The following PCDH15 variants were observed in gnomAD, a reference collection of about 807,000 sequenced individuals.
PCDH15 encodes the protein protocadherin related 15.
PCDH15 carries 129 observed loss-of-function variants against 178.5 expected under a neutral mutation model. That is an observed-to-expected ratio of 0.72 (90% CI 0.63 to 0.84). The LOEUF (loss-of-function observed/expected upper bound fraction) is 0.84, where lower values mean the gene tolerates loss of function less well. Ranked by LOEUF, PCDH15 falls within the 40% of genes least tolerant of loss-of-function variation. PCDH15 has a pLI of 0.00. For missense variants in PCDH15, 2,230 were observed against 2,099.9 expected (o/e 1.06, Z -1.21); for synonymous variants, 800 against 732.0 (o/e 1.09, Z -1.50).
At chr10:55,582,629 T>TATATATATATATA (rs1491243304) in intron 2 of PCDH15, among the ~76,000 whole-genome samples, 113 of 64,740 alleles carry the variant, frequency 1.7e-3, no homozygotes, top group African/African-American at 6.7e-3. Flanking sequence ...TATATATATA[T>TATATATATATATA]TTTTTTTTTT....
intron 18 of PCDH15, among the ~76,000 whole-genome samples, chr10:54,031,990 A>G (rs1411331293): frequency 6.6e-6 from 1 of 152,020 alleles, no homozygotes; most frequent in Admixed American, 6.6e-5. Context: ...ATTATGCAGT[A>G]TAGGTTGAGT....
In PCDH15 at chr10:53,818,235, C is replaced by T. The variant is rs1348750454; in HGVS notation, c.4434-222G>A. On this transcript the variant is annotated intron_variant, in intron 33 of 37. Transcript: ENST00000644397. ...TAAAATAATGATCAACCCAGAGCCT[C>T]GTTCCATATGAGCAACAAAACATGC... 3.9e-5 allele frequency: 14 copies of T among 356,620 alleles called. No homozygotes were observed. In the East Asian group the frequency reaches 4.0e-4, roughly 10 times the overall value. 22.1% of individuals were successfully genotyped at this position (356,620 alleles called of 1,614,324 possible). A position where few individuals can be genotyped will look rare whatever the true frequency, so the allele number is the denominator to read the frequency against.
chr10:53,875,504 T>C (rs937012267), intron 26 of PCDH15, among the ~76,000 whole-genome samples: 3 of 152,052 alleles, frequency 2.0e-5, no homozygotes, highest in African/African-American at 7.2e-5. Context: ...CCAATTTCTC[T>C]ATAATCAAAC....
At chr10:54,117,082 G>T (rs888478576) in intron 15 of PCDH15, among the ~76,000 whole-genome samples, 1 of 152,130 alleles carries the variant, frequency 6.6e-6, no homozygotes. Flanking sequence ...TGACTGCTGG[G>T]CTTGTTCCAC....
chr10:54,384,489 C>G (rs1949683842), intron 3 of PCDH15, among the ~76,000 whole-genome samples: 1 of 152,018 alleles, frequency 6.6e-6, no homozygotes, highest in Non-Finnish European at 1.5e-5. Flanking sequence ...TGATTCGATT[C>G]AGTAAATTTG....
At chr10:54,601,182 A>G (rs944455326) in intron 2 of PCDH15, among the ~76,000 whole-genome samples, 1 of 151,966 alleles carries the variant, frequency 6.6e-6, no homozygotes, top group African/African-American at 2.4e-5. Context: ...ACATAGTCAA[A>G]AAATAAATAA....
intron 2 of PCDH15, among the ~76,000 whole-genome samples, chr10:54,987,626 CT>C (rs1197762414): frequency 1.3e-5 from 2 of 150,924 alleles, no homozygotes; most frequent in African/African-American, 4.9e-5. Context: ...TGATGTTGAG[CT>C]TTTTTTCATA....
chr10:55,511,832 T>C, intron 2 of PCDH15, among the ~76,000 whole-genome samples: 1 of 152,010 alleles, frequency 6.6e-6, no homozygotes, highest in South Asian at 2.1e-4. Flanking sequence ...GACTATAAAA[T>C]ATTAATTCCC....
chr10:55,174,962 C>T (rs1303910511), intron 1 of PCDH15, among the ~76,000 whole-genome samples: 2 of 152,126 alleles, frequency 1.3e-5, no homozygotes, highest in African/African-American at 4.8e-5. Flanking sequence ...CATTTGAAAT[C>T]TCCTGGAAGG....
intron 3 of PCDH15, among the ~76,000 whole-genome samples, chr10:54,461,497 CTT>C (rs1249982530): frequency 6.6e-6 from 1 of 152,114 alleles, no homozygotes; most frequent in African/African-American, 2.4e-5. Context: ...TAGACCATCT[CTT>C]GGATTTATGA....
At chr10:55,276,723 A>G (rs113954404) in intron 1 of PCDH15, among the ~76,000 whole-genome samples, 107 of 151,876 alleles carry the variant, frequency 7.0e-4, no homozygotes, top group Non-Finnish European at 1.2e-3. Flanking sequence ...AGGAAAATTT[A>G]TTATTTTATT....
chr10:54,668,442 A>G (rs952756262), intron 1 of PCDH15, among the ~76,000 whole-genome samples: 1 of 152,188 alleles, frequency 6.6e-6, no homozygotes, highest in Non-Finnish European at 1.5e-5. Flanking sequence ...AGAACTTTAC[A>G]ATGAAAGTAT....
chr10:55,416,374 C>T (rs1020396234), intron 2 of PCDH15, among the ~76,000 whole-genome samples: 7 of 151,704 alleles, frequency 4.6e-5, no homozygotes, highest in Non-Finnish European at 7.4e-5. Context: ...CCATCATATT[C>T]TCATGGAAGA....
In PCDH15 at chr10:54,079,217, A is replaced by G. The variant is rs780742445; in HGVS notation, c.2091+114T>C. ...GAAAAGAGCAACACTTCTAGTAATTATAAGAAGTTGCTCCAGATGAAAAAC... is the reference window on the plus strand; with the variant it reads ...GAAAAGAGCAACACTTCTAGTAATTGTAAGAAGTTGCTCCAGATGAAAAAC... On this transcript the variant is annotated intron_variant, in intron 17 of 37. Transcript: ENST00000644397. 4.4e-4 allele frequency: 447 copies of G among 1,019,618 alleles called. 1 individual carries two copies. Among genetic ancestry groups the G allele is most frequent in the Non-Finnish European group, 6.4e-4 (412 of 641,986 alleles). The allele number at this position is 1,019,618 out of a possible 1,614,324, so 63.2% of individuals were successfully genotyped here.
intron 2 of PCDH15, among the ~76,000 whole-genome samples, chr10:54,985,719 G>T (rs1839347340): frequency 6.6e-6 from 1 of 152,152 alleles, no homozygotes; most frequent in Non-Finnish European, 1.5e-5. Context: ...AAAATTCAAA[G>T]TAAAGTCTTT....
chr10:53,920,292 A>C (rs1043907929), intron 25 of PCDH15, among the ~76,000 whole-genome samples: 1 of 152,176 alleles, frequency 6.6e-6, no homozygotes, highest in African/African-American at 2.4e-5. Flanking sequence ...AGAATTGTCT[A>C]TAAAAAGTGA....
rs2047366076 is a variant in PCDH15 at position 54,175,705 on chromosome 10, T to C, written c.1590+7739A>G. Among the ~76,000 whole-genome samples, 8 of 152,180 alleles carry C rather than the reference T, an allele frequency of 5.3e-5. No individual in the cohort carries two copies. In the South Asian group the frequency reaches 1.7e-3, roughly 32 times the overall value. On this transcript the variant is annotated intron_variant, in intron 13 of 37. Coordinates refer to ENST00000644397, the MANE Select transcript of PCDH15 (RefSeq NM_001384140.1). ...CTAGCTAGCCTGCCTCCCAATTCTA[T>C]TGTCTTTAAATTGGATTCTACTTCA...
At chr10:54,381,908 G>A (rs912520151) in intron 3 of PCDH15, among the ~76,000 whole-genome samples, 1 of 152,120 alleles carries the variant, frequency 6.6e-6, no homozygotes, top group African/African-American at 2.4e-5. Context: ...TACCAACTAT[G>A]TGAAAGTGGA....
intron 2 of PCDH15, among the ~76,000 whole-genome samples, chr10:54,656,749 C>T (rs926782836): frequency 6.6e-6 from 1 of 152,106 alleles, no homozygotes; most frequent in Non-Finnish European, 1.5e-5. Flanking sequence ...AATGGGGGTG[C>T]ACAGACAGCC....
Sources: allele counts gnomAD v4.1 joint callset (sites outside exome capture counted in the v4.1 genomes callset), GRCh38; gene constraint gnomAD v4.1.1; transcripts MANE v1.5; gene names NCBI Gene and HGNC (gene_info 2026-07-23, HGNC 2026-07-21).